The following TCEA2 variants were observed in gnomAD, a reference collection of about 807,000 sequenced individuals.
TCEA2 encodes the protein transcription elongation factor A2, also known as transcription elongation factor A protein 2.
In TCEA2, 21 loss-of-function variants were observed where a neutral mutation model predicts 40.8. The ratio of observed to expected loss-of-function variants is 0.51; its 90% confidence interval spans 0.36 to 0.74. The LOEUF is 0.74. Ranked by LOEUF, TCEA2 falls within the 30% of genes least tolerant of loss-of-function variation. The probability of loss-of-function intolerance (pLI) is 0.00; values close to 1 mark genes in which losing one functional copy is unlikely to be tolerated. For synonymous variants in TCEA2, 165 were observed against 162.7 expected, an observed-to-expected ratio of 1.01 and a Z score of -0.11; for missense variants, 326 against 426.5, an observed-to-expected ratio of 0.76 and a Z score of 2.08.
chr20:64,067,388 G>C (rs1462963543), intron 3 of TCEA2, among the ~76,000 whole-genome samples: 1 of 152,198 alleles, frequency 6.6e-6, no homozygotes, highest in South Asian at 2.1e-4. Flanking sequence ...GGGAAGTGCC[G>C]GGAGAGGGGA....
chr20:64,063,478 A>G, intron 1 of TCEA2, 94 bp downstream of exon 1: 1 of 1,396,298 alleles, frequency 7.2e-7, no homozygotes, highest in South Asian at 1.3e-5. Flanking sequence ...AGACGACCTG[A>G]GGGGCAGGAC....
upstream of TCEA2, among the ~76,000 whole-genome samples, chr20:64,059,826 C>G (rs772474194): frequency 6.6e-6 from 1 of 152,142 alleles, no homozygotes; most frequent in Non-Finnish European, 1.5e-5. Flanking sequence ...TTGGGCCGGC[C>G]TGGGGAGGGT....
At chr20:64,056,059 A>G (rs1299100034), upstream of TCEA2, among the ~76,000 whole-genome samples, 1 of 151,832 alleles carries the variant, frequency 6.6e-6, no homozygotes, top group Admixed American at 6.6e-5. Flanking sequence ...GGGGAAGTGC[A>G]TTGTTAGAGC....
Position 64,072,153 on chromosome 20 carries a change from C to A in TCEA2, c.892-19C>A. The A allele has an allele frequency of 6.2e-7, 1 of 1,613,562 alleles. No individual in the cohort carries two copies. Among genetic ancestry groups the A allele is most frequent in the Middle Eastern group, 1.6e-4 (1 of 6,062 alleles). Reference sequence around the variant, plus strand: ...CTCATGTGGCCACAAGGCTGGAGGCCTCACCCCCTTTCTCGCAGTTCTGCT... The same window carrying A: ...CTCATGTGGCCACAAGGCTGGAGGCATCACCCCCTTTCTCGCAGTTCTGCT... On this transcript the variant is annotated intron_variant, in intron 9 of 9. Coordinates refer to ENST00000343484, the MANE Select transcript of TCEA2 (RefSeq NM_003195.6).
At chr20:64,060,990 G>A (rs997329711), upstream of TCEA2, among the ~76,000 whole-genome samples, 3 of 151,020 alleles carry the variant, frequency 2.0e-5, no homozygotes, top group South Asian at 2.1e-4. Context: ...TAGTAGAGAC[G>A]GGGTTTCACC....
At chr20:64,058,869 C>T (rs145769574), upstream of TCEA2, among the ~76,000 whole-genome samples, 375 of 152,202 alleles carry the variant, frequency 2.5e-3, 3 homozygotes, top group Middle Eastern at 0.01. This position sits in a 1 kb window ranked among gnomAD's most constrained non-coding sequence, Gnocchi z 6.7. Flanking sequence ...ACTGAACGAA[C>T]GACACCTTTC....
intron 8 of TCEA2, among the ~76,000 whole-genome samples, chr20:64,071,208 C>T (rs964275434): frequency 3.3e-5 from 5 of 152,010 alleles, no homozygotes; most frequent in Non-Finnish European, 7.4e-5. Context: ...ATTAGCTGGG[C>T]GTGGTGGCGC....
chr20:64,065,482 T>C (rs764742084), intron 1 of TCEA2: 1 of 151,408 alleles, frequency 6.6e-6, no homozygotes, highest in Admixed American at 6.6e-5. Context: ...AGTTGCAGTT[T>C]TAAACAGGAG....
At chr20:64,056,258 G>C (rs1339614123), upstream of TCEA2, among the ~76,000 whole-genome samples, 2 of 152,198 alleles carry the variant, frequency 1.3e-5, no homozygotes, top group Non-Finnish European at 2.9e-5. Context: ...GAGGTCCAGA[G>C]AGCCGGGTGC....
chr20:64,057,527 G>C (rs2059488777), exon 1 of TCEA2: 1 of 152,300 alleles, frequency 6.6e-6, no homozygotes. Flanking sequence ...CCTGCGGCGA[G>C]GCCCCACAGG....
chr20:64,056,491 G>T (rs1445417561), upstream of TCEA2, among the ~76,000 whole-genome samples: 3 of 152,114 alleles, frequency 2.0e-5, no homozygotes, highest in African/African-American at 7.2e-5. Flanking sequence ...ACGGCTCCTA[G>T]GTGCTTGGGC....
chr20:64,056,190 T>G (rs1396939585), upstream of TCEA2, among the ~76,000 whole-genome samples: 1 of 152,088 alleles, frequency 6.6e-6, no homozygotes, highest in Non-Finnish European at 1.5e-5. Flanking sequence ...GGCTGGGGAC[T>G]TTCCGAGAGA....
chr20:64,067,878 G>T (rs1204608014), intron 3 of TCEA2, among the ~76,000 whole-genome samples, 169 bp from the exon 4 acceptor site: 2 of 152,180 alleles, frequency 1.3e-5, no homozygotes, highest in African/African-American at 4.8e-5. Context: ...GTTCACAGAG[G>T]CTGGGCAGCC....
chr20:64,067,261 G>A (rs2059717651), intron 3 of TCEA2, among the ~76,000 whole-genome samples: 1 of 152,246 alleles, frequency 6.6e-6, no homozygotes, highest in Admixed American at 6.5e-5. Flanking sequence ...GCTGGGGGCA[G>A]GGTTCCAGGT....
At chr20:64,071,048 C>T (rs2059817184) in intron 8 of TCEA2, among the ~76,000 whole-genome samples, 1 of 152,152 alleles carries the variant, frequency 6.6e-6, no homozygotes, top group South Asian at 2.1e-4. Flanking sequence ...ATGGCAGGGA[C>T]CCTGTTAAGA....
At chr20:64,064,775 T>C in intron 1 of TCEA2, among the ~76,000 whole-genome samples, 1 of 152,138 alleles carries the variant, frequency 6.6e-6, no homozygotes, top group East Asian at 1.9e-4. Context: ...AGCACCCCCA[T>C]CATTGCGTTC....
upstream of TCEA2, among the ~76,000 whole-genome samples, chr20:64,058,201 G>A (rs708631): frequency 0.99 from 151,449 of 152,254 alleles, 75,328 homozygotes; most frequent in East Asian, 1. The surrounding 1 kb of genome is among the most constrained non-coding windows in gnomAD (Gnocchi z 6.7). Flanking sequence ...TGTCCCGTCC[G>A]CTCCTTTCTC....
At chr20:64,061,335 G>C (rs562011937), upstream of TCEA2, among the ~76,000 whole-genome samples, 1 of 151,794 alleles carries the variant, frequency 6.6e-6, no homozygotes, top group East Asian at 1.9e-4. Context: ...GAGTGCAGTG[G>C]CATGATCGCC....
chr20:64,068,004 C>G, intron 3 of TCEA2, 43 bp from the exon 4 acceptor site: 1 of 1,509,542 alleles, frequency 6.6e-7, no homozygotes, highest in South Asian at 1.2e-5. Flanking sequence ...CCCCTCCCTC[C>G]TCTGCCTCCC....
Sources: gnomAD v4.1 joint callset for allele counts (sites outside exome capture counted in the v4.1 genomes callset) on GRCh38, gnomAD v4.1.1 for gene constraint, Gnocchi (gnomAD v3.1) non-coding constraint, MANE v1.5 for transcripts, NCBI Gene and HGNC (gene_info 2026-07-23, HGNC 2026-07-21) for gene names.